KIF26B: variants seen among roughly 807,000 people sequenced by gnomAD.
KIF26B encodes kinesin family member 26B.
A neutral mutation model predicts 151.2 loss-of-function variants in KIF26B; 63 were observed. The ratio of observed to expected loss-of-function variants is 0.42; its 90% CI spans 0.34 to 0.51. The LOEUF (loss-of-function observed/expected upper bound fraction) is 0.51. Ranked by LOEUF, KIF26B falls within the 20% of genes least tolerant of loss-of-function variation. KIF26B has a pLI of 0.07. For synonymous variants in KIF26B, 1,357 were observed against 1,262.1 expected (o/e 1.08, Z -1.59); for missense variants, 2,813 against 2,913.6 (o/e 0.97, Z 0.79).
At chr1:245,370,577 A>G (rs763133433) in intron 3 of KIF26B, 2 of 456,622 alleles carry the variant, frequency 4.4e-6, no homozygotes, top group Non-Finnish European at 8.8e-6. Flanking sequence ...ACCTTCCAGG[A>G]CTCCGAAGCT....
intron 2 of KIF26B, among the ~76,000 whole-genome samples, chr1:245,168,088 A>G (rs920684322): frequency 6.6e-6 from 1 of 152,160 alleles, no homozygotes; most frequent in Non-Finnish European, 1.5e-5. Context: ...ATCTAAGAGC[A>G]TGGTAGTCGG....
chr1:245,497,978 G>A (rs546713541), intron 4 of KIF26B, among the ~76,000 whole-genome samples: 65 of 152,274 alleles, frequency 4.3e-4, no homozygotes, highest in Non-Finnish European at 7.9e-4. Flanking sequence ...TCCTGACCTC[G>A]TGATCTGCCT....
intron 4 of KIF26B, among the ~76,000 whole-genome samples, chr1:245,532,497 G>A (rs192350433): frequency 1.9e-3 from 292 of 151,906 alleles, no homozygotes; most frequent in African/African-American, 6.7e-3. Flanking sequence ...CGCCTGCCTC[G>A]GCCTCCCAAA....
At chr1:245,293,372 G>C (rs944023009) in intron 2 of KIF26B, among the ~76,000 whole-genome samples, 1 of 152,014 alleles carries the variant, frequency 6.6e-6, no homozygotes, top group African/African-American at 2.4e-5. Context: ...TGCAGGGCAT[G>C]GATTTGGTCA....
intron 2 of KIF26B, among the ~76,000 whole-genome samples, chr1:245,191,515 A>T (rs1315914796): frequency 1.3e-5 from 2 of 152,188 alleles, no homozygotes; most frequent in South Asian, 2.1e-4. Flanking sequence ...TATATAAAAA[A>T]ATCTAGAAGG....
intron 9 of KIF26B, among the ~76,000 whole-genome samples, chr1:245,629,704 A>G (rs114296538): frequency 0.018 from 2,754 of 152,302 alleles, 37 homozygotes; most frequent in South Asian, 0.053. Flanking sequence ...CATGAAGAAA[A>G]CACCAAAAGC....
At chr1:245,392,769 G>A (rs1261536298) in intron 3 of KIF26B, among the ~76,000 whole-genome samples, 5 of 152,112 alleles carry the variant, frequency 3.3e-5, no homozygotes, top group Admixed American at 1.3e-4. Context: ...ATTCATGTTG[G>A]CCTGTTCTAT....
chr1:245,186,847 TTTTC>T (rs1283764322), intron 2 of KIF26B, among the ~76,000 whole-genome samples: 5 of 152,184 alleles, frequency 3.3e-5, no homozygotes, highest in African/African-American at 1.2e-4. Context: ...ATACTTTTTT[TTTTC>T]TTTCTTTCTT....
At chr1:245,431,724 A>C (rs1263428687) in intron 4 of KIF26B, among the ~76,000 whole-genome samples, 1 of 152,124 alleles carries the variant, frequency 6.6e-6, no homozygotes, top group African/African-American at 2.4e-5. Context: ...TGTTCCACCC[A>C]CCTTGGCCTC....
At position 245,362,418 on chromosome 1, in the gene KIF26B, G is replaced by A. The variant is rs377239343; in HGVS notation, c.466-4416G>A. ...CCGGGTGTGGTTGTGGGCGCCTGTA[G>A]TCCCAGCTACTCAGGAGGCTGAGGC... is the stretch of plus-strand genomic sequence containing the variant. On this transcript the variant is annotated intron_variant, in intron 2 of 14. Coordinates refer to ENST00000407071, the MANE Select transcript of KIF26B (RefSeq NM_018012.4). 1.3e-3 allele frequency among the ~76,000 whole-genome samples: 194 copies of A among 150,282 alleles called. 7 individuals carry two copies. In the South Asian group the frequency reaches 0.04, roughly 31 times the overall value.
At chr1:245,303,379 T>C (rs925190658) in intron 2 of KIF26B, among the ~76,000 whole-genome samples, 4 of 151,354 alleles carry the variant, frequency 2.6e-5, no homozygotes, top group African/African-American at 7.3e-5. Context: ...TTTGTATTTT[T>C]AGTAGAGACG....
intron 4 of KIF26B, among the ~76,000 whole-genome samples, chr1:245,464,497 G>A (rs925162058): frequency 1.5e-4 from 23 of 151,180 alleles, no homozygotes; most frequent in African/African-American, 5.1e-4. Context: ...GTGGGTGTGT[G>A]TGGGCGTGTG....
intron 9 of KIF26B, among the ~76,000 whole-genome samples, chr1:245,632,987 A>G (rs1219321487): frequency 6.6e-6 from 1 of 152,190 alleles, no homozygotes; most frequent in African/African-American, 2.4e-5. Flanking sequence ...AGCTCTAATG[A>G]TAATTGTTTT....
At chr1:245,466,490 T>TA (rs1659795759) in intron 4 of KIF26B, among the ~76,000 whole-genome samples, 1 of 152,202 alleles carries the variant, frequency 6.6e-6, no homozygotes. Context: ...AAAGCAGCTG[T>TA]AGGAAGGAAA....
intron 10 of KIF26B, among the ~76,000 whole-genome samples, chr1:245,682,211 C>T (rs1406354940): frequency 1.3e-5 from 2 of 152,260 alleles, no homozygotes; most frequent in African/African-American, 4.8e-5. Context: ...TGCCGTTGCA[C>T]TCCAGCCTGG....
intron 4 of KIF26B, among the ~76,000 whole-genome samples, chr1:245,526,464 C>T (rs887524852): frequency 1.3e-5 from 2 of 152,168 alleles, no homozygotes; most frequent in African/African-American, 4.8e-5. Context: ...AGGTCCCATG[C>T]AAATTGTTTT....
At chr1:245,304,183 G>T (rs1361582577) in intron 2 of KIF26B, among the ~76,000 whole-genome samples, 1 of 152,172 alleles carries the variant, frequency 6.6e-6, no homozygotes, top group Non-Finnish European at 1.5e-5. Context: ...AATCTGATGG[G>T]ATTTCAGATG....
intron 5 of KIF26B, among the ~76,000 whole-genome samples, chr1:245,574,279 G>A (rs1179430222): frequency 1.3e-5 from 2 of 152,160 alleles, no homozygotes; most frequent in African/African-American, 4.8e-5. Flanking sequence ...GAGTAGCTGG[G>A]ATTACAGGCA....
chr1:245,251,557 T>C (rs1176689782), intron 2 of KIF26B, among the ~76,000 whole-genome samples: 1 of 152,178 alleles, frequency 6.6e-6, no homozygotes, highest in Non-Finnish European at 1.5e-5. Flanking sequence ...ACACATTCCT[T>C]TTTGTATTTA....
Sources: allele counts gnomAD v4.1 joint callset (sites outside exome capture counted in the v4.1 genomes callset), GRCh38; gene constraint gnomAD v4.1.1; transcripts MANE v1.5; gene names NCBI Gene and HGNC (gene_info 2026-07-23, HGNC 2026-07-21).